RALGPS2: variants seen among roughly 807,000 people sequenced by gnomAD.
RALGPS2 encodes the protein Ral GEF with PH domain and SH3 binding motif 2, also known as ras-specific guanine nucleotide-releasing factor RalGPS2.
Under a neutral mutation model 86.8 loss-of-function variants are expected in RALGPS2, and 43 were observed. The observed-to-expected ratio is 0.50, with a 90% confidence interval of 0.39 to 0.64. The LOEUF is 0.64. Ranked by LOEUF, RALGPS2 falls within the 30% of genes least tolerant of loss-of-function variation. RALGPS2 has a pLI of 0.00. For synonymous variants in RALGPS2, 243 were observed against 231.3 expected, an observed-to-expected ratio of 1.05 and a Z score of -0.46; for missense variants, 536 against 694.6, an observed-to-expected ratio of 0.77 and a Z score of 2.57.
At chr1:178,770,526 T>C (rs1004988432) in intron 1 of RALGPS2, among the ~76,000 whole-genome samples, 3 of 146,450 alleles carry the variant, frequency 2.0e-5, no homozygotes, top group Admixed American at 6.8e-5. Flanking sequence ...TTTTTTTTTT[T>C]CTGAGACAGT....
In RALGPS2 at chr1:178,732,732, G is replaced by GT. The variant is rs74263842; in HGVS notation, c.-84+7328dup. Among the ~76,000 whole-genome samples, 1,068 of 141,240 alleles carry GT rather than the reference G, an allele frequency of 7.6e-3. 2 individuals are homozygous for GT. The highest frequency in any genetic ancestry group is 0.013 in the Admixed American group (185 of 14,058). 92.7% of individuals were successfully genotyped at this position (141,240 alleles called of 152,430 possible). ...ATGCTTTGTCATACTAGTTTTCTAAGTTTTTTTTTTTTTTTAAACATAAAA... is the reference window on the plus strand; with the variant it reads ...ATGCTTTGTCATACTAGTTTTCTAAGTTTTTTTTTTTTTTTTAAACATAAAA... On this transcript the variant is annotated intron_variant, in intron 1 of 19. Transcript: ENST00000367635.
intron 2 of RALGPS2, among the ~76,000 whole-genome samples, chr1:178,780,146 C>T (rs1653319525): frequency 6.6e-6 from 1 of 152,154 alleles, no homozygotes; most frequent in South Asian, 2.1e-4. Flanking sequence ...AGTGACATCT[C>T]ATCTCCTTTT....
intron 3 of RALGPS2, among the ~76,000 whole-genome samples, 195 bp from the exon 4 acceptor site, chr1:178,785,362 A>G (rs1653600134): frequency 6.6e-6 from 1 of 151,988 alleles, no homozygotes; most frequent in Admixed American, 6.6e-5. Context: ...TTATCTTCCA[A>G]GAAAATATAA....
intron 4 of RALGPS2, among the ~76,000 whole-genome samples, chr1:178,803,980 G>T (rs1442604218): frequency 1.3e-5 from 2 of 151,846 alleles, no homozygotes. Context: ...CACTGACAGT[G>T]CCCTGGTTGA....
chr1:178,786,664 C>T (rs1387496908), intron 4 of RALGPS2, among the ~76,000 whole-genome samples: 3 of 151,548 alleles, frequency 2.0e-5, no homozygotes, highest in Non-Finnish European at 4.4e-5. Context: ...TTTTTAACCT[C>T]TCATCTAGTA....
In RALGPS2 at chr1:178,768,017, A is replaced by G. The variant is rs186467593; in HGVS notation, c.-83-8665A>G. On this transcript the variant is annotated intron_variant, in intron 1 of 19. Transcript: ENST00000367635. ...CTCAGTCTCCTAAAGTGCTGGGATT[A>G]TAGATGTGAGCTACTGTATCTGGCC... Among the ~76,000 whole-genome samples, 410 of 152,334 alleles carry G rather than the reference A, an allele frequency of 2.7e-3. 2 individuals are homozygous for G. The highest frequency in any genetic ancestry group is 9.6e-3 in the African/African-American group (399 of 41,578).
chr1:178,879,963 A>C (rs999648688), intron 10 of RALGPS2, among the ~76,000 whole-genome samples: 5 of 151,884 alleles, frequency 3.3e-5, no homozygotes, highest in Admixed American at 1.3e-4. Context: ...GTTTTTTTTT[A>C]AGGTAGGAGG....
chr1:178,848,527 C>G (rs950566972), intron 8 of RALGPS2, among the ~76,000 whole-genome samples: 3 of 152,172 alleles, frequency 2.0e-5, no homozygotes, highest in Admixed American at 1.3e-4. Flanking sequence ...TATGTCTCTT[C>G]TTGCCTTAAG....
chr1:178,836,024 C>T (rs1656257571), intron 8 of RALGPS2, among the ~76,000 whole-genome samples: 1 of 152,126 alleles, frequency 6.6e-6, no homozygotes, highest in South Asian at 2.1e-4. Flanking sequence ...TGGGGACCTT[C>T]TTGTACTCTT....
intron 19 of RALGPS2, among the ~76,000 whole-genome samples, chr1:178,913,531 T>C (rs1053158920): frequency 1.3e-5 from 2 of 152,224 alleles, no homozygotes; most frequent in Non-Finnish European, 2.9e-5. Flanking sequence ...ATTGTAGTTG[T>C]CTGGAGGTAA....
chr1:178,886,196 C>A (rs1659474576), intron 13 of RALGPS2, 76 bp downstream of exon 13: 2 of 1,451,992 alleles, frequency 1.4e-6, no homozygotes, highest in Non-Finnish European at 1.9e-6. Flanking sequence ...TGGAAAAAAA[C>A]CCCACCCACA....
chr1:178,904,590 C>G (rs1211679447), intron 18 of RALGPS2, among the ~76,000 whole-genome samples: 3 of 152,192 alleles, frequency 2.0e-5, no homozygotes, highest in Admixed American at 6.5e-5. Flanking sequence ...TATCCCAGCA[C>G]CGTTAGTTAA....
chr1:178,885,278 T>C (rs1342556549), intron 12 of RALGPS2, 67 bp downstream of exon 12: 1 of 1,476,586 alleles, frequency 6.8e-7, no homozygotes, highest in Non-Finnish European at 9.2e-7. Context: ...TGTCGATTTA[T>C]TAGTTCAGTA....
chr1:178,772,117 T>C (rs1466735440), intron 1 of RALGPS2, among the ~76,000 whole-genome samples: 3 of 152,230 alleles, frequency 2.0e-5, no homozygotes, highest in African/African-American at 7.2e-5. Context: ...TATGTTCCTT[T>C]CTCTGACCAT....
chr1:178,824,131 A>G (rs933590796), intron 7 of RALGPS2, among the ~76,000 whole-genome samples: 2 of 152,206 alleles, frequency 1.3e-5, no homozygotes, highest in African/African-American at 4.8e-5. Flanking sequence ...AAAGTTTGAG[A>G]TGACCTGACA....
At chr1:178,731,216 C>T (rs550672590) in intron 1 of RALGPS2, among the ~76,000 whole-genome samples, 1 of 148,794 alleles carries the variant, frequency 6.7e-6, no homozygotes, top group Non-Finnish European at 1.5e-5. Context: ...TATAGAATTC[C>T]AAGGTAAAAA....
intron 18 of RALGPS2, 116 bp from the exon 19 acceptor site, chr1:178,906,655 TGAATA>T: frequency 1.4e-6 from 1 of 700,158 alleles, no homozygotes. Flanking sequence ...ATGGAGGTGT[TGAATA>T]GAATTCTAAA....
At chr1:178,795,651 T>C (rs1297509576) in intron 4 of RALGPS2, among the ~76,000 whole-genome samples, 1 of 152,132 alleles carries the variant, frequency 6.6e-6, no homozygotes, top group African/African-American at 2.4e-5. Context: ...TGACCTAAGG[T>C]GATCCACCCA....
intron 13 of RALGPS2, among the ~76,000 whole-genome samples, chr1:178,887,737 A>G (rs548429524): frequency 6.6e-6 from 1 of 152,326 alleles, no homozygotes; most frequent in Non-Finnish European, 1.5e-5. Context: ...CCCTTTTTAT[A>G]TAAAAATACA....
Sources: gnomAD v4.1 joint callset for allele counts (sites outside exome capture counted in the v4.1 genomes callset) on GRCh38, gnomAD v4.1.1 for gene constraint, MANE v1.5 for transcripts, NCBI Gene and HGNC (gene_info 2026-07-23, HGNC 2026-07-21) for gene names.